The following MMP26 variants were observed in gnomAD, a reference collection of about 807,000 sequenced individuals.
The protein encoded by MMP26 is matrix metalloproteinase-26.
In MMP26, 33 loss-of-function variants were observed where a neutral mutation model predicts 31.0. The ratio of observed to expected loss-of-function variants is 1.06; its 90% CI spans 0.81 to 1.42. The LOEUF (loss-of-function observed/expected upper bound fraction) is 1.42. Among genes scored for constraint, MMP26 ranks in the 40% most tolerant of loss-of-function variants. The probability of loss-of-function intolerance (pLI) is 0.00; values close to 1 mark genes in which losing one functional copy is unlikely to be tolerated. For missense variants in MMP26, 347 were observed against 316.1 expected (o/e 1.10, Z -0.74); for synonymous variants, 122 against 114.9 (o/e 1.06, Z -0.40).
chr11:4,887,637 G>A (rs1850562124), intron 2 of MMP26, among the ~76,000 whole-genome samples: 1 of 152,066 alleles, frequency 6.6e-6, no homozygotes, highest in South Asian at 2.1e-4. Context: ...TGATGTGCTT[G>A]TAATTTATCA....
intron 1 of MMP26, among the ~76,000 whole-genome samples, chr11:4,728,430 A>T (rs1166527097): frequency 2.0e-5 from 3 of 152,148 alleles, no homozygotes; most frequent in Non-Finnish European, 4.4e-5. Flanking sequence ...ACTGATCAGT[A>T]GAGGAGTACA....
chr11:4,707,950 T>C (rs1247580157), intron 1 of MMP26, among the ~76,000 whole-genome samples: 2 of 152,226 alleles, frequency 1.3e-5, no homozygotes, highest in African/African-American at 4.8e-5. Context: ...ACGCTTCTTC[T>C]GGTCTTTTCT....
intron 2 of MMP26, chr11:4,955,045 G>C (rs776641869): frequency 2.1e-6 from 3 of 1,452,930 alleles, no homozygotes; most frequent in South Asian, 2.3e-5. Flanking sequence ...GTACAGTCTT[G>C]AGGATCAGGG....
At chr11:4,836,224 A>G (rs2133484635) in intron 2 of MMP26, among the ~76,000 whole-genome samples, 1 of 152,162 alleles carries the variant, frequency 6.6e-6, no homozygotes, top group South Asian at 2.1e-4. Flanking sequence ...TATAATAAAT[A>G]AGTGATATGT....
chr11:4,970,953 C>T (rs1259634873), intron 2 of MMP26, among the ~76,000 whole-genome samples: 1 of 152,026 alleles, frequency 6.6e-6, no homozygotes, highest in Non-Finnish European at 1.5e-5. Flanking sequence ...AGTGAATAGA[C>T]CTGGTGGAGC....
intron 2 of MMP26, among the ~76,000 whole-genome samples, chr11:4,867,351 C>A (rs1428667524): frequency 2.0e-5 from 3 of 148,242 alleles, no homozygotes; most frequent in African/African-American, 5.0e-5. Context: ...CATCACTGAT[C>A]ATTAGGGAAC....
intron 1 of MMP26, among the ~76,000 whole-genome samples, chr11:4,734,979 C>T (rs1848220532): frequency 6.6e-6 from 1 of 152,194 alleles, no homozygotes; most frequent in Non-Finnish European, 1.5e-5. Flanking sequence ...TGAAGGGAGT[C>T]ACTGACCTCT....
chr11:4,818,278 A>C (rs1294323995), intron 2 of MMP26, among the ~76,000 whole-genome samples: 1 of 152,160 alleles, frequency 6.6e-6, no homozygotes, highest in Non-Finnish European at 1.5e-5. Context: ...TTTTTCCATC[A>C]TTACCATTTC....
intron 2 of MMP26, among the ~76,000 whole-genome samples, chr11:4,810,459 G>A (rs1010078993): frequency 2.6e-5 from 4 of 152,160 alleles, no homozygotes; most frequent in Non-Finnish European, 5.9e-5. Flanking sequence ...TATCATTAGT[G>A]TGCTACCATC....
chr11:4,804,104 G>A (rs1849228042), intron 2 of MMP26: 9 of 1,614,166 alleles, frequency 5.6e-6, no homozygotes, highest in Middle Eastern at 1.6e-4. Flanking sequence ...TGAATCTCAT[G>A]AGCATGAAAC....
At chr11:4,851,447 C>A (rs991620207) in intron 2 of MMP26, among the ~76,000 whole-genome samples, 5 of 152,088 alleles carry the variant, frequency 3.3e-5, no homozygotes, top group African/African-American at 9.7e-5. Flanking sequence ...AAAAATAAAA[C>A]CAGATGGTAA....
At chr11:4,818,425 A>G (rs1849449773) in intron 2 of MMP26, among the ~76,000 whole-genome samples, 1 of 152,126 alleles carries the variant, frequency 6.6e-6, no homozygotes, top group Admixed American at 6.6e-5. Flanking sequence ...ATAGTTCTCT[A>G]ATCATAGGTT....
intron 1 of MMP26, among the ~76,000 whole-genome samples, chr11:4,758,052 C>T (rs1848526198): frequency 6.6e-6 from 1 of 152,114 alleles, no homozygotes; most frequent in Non-Finnish European, 1.5e-5. Flanking sequence ...TACATGTATA[C>T]AAGTGTTCAT....
rs539293714 is a variant in MMP26, at chr11:4,961,362, G to A, written c.-144-26706G>A. Among the ~76,000 whole-genome samples, 11 of 152,274 alleles carry A rather than the reference G, an allele frequency of 7.2e-5. No individual in the cohort carries two copies. In the South Asian group the frequency reaches 2.3e-3, roughly 32 times the overall value. ...CTCTGGGCCCCTGGCTGATTCGATGGTGCCCAGCAACATTGAGGGTAGATA... is the reference window on the plus strand; with the variant it reads ...CTCTGGGCCCCTGGCTGATTCGATGATGCCCAGCAACATTGAGGGTAGATA... On this transcript the variant is annotated intron_variant, in intron 2 of 7. Coordinates refer to ENST00000380390, the MANE Select transcript of MMP26 (RefSeq NM_021801.5).
chr11:4,950,564 T>C lies in MMP26; in HGVS notation c.-144-37504T>C, dbSNP rs371276891. Among the ~76,000 whole-genome samples the C allele has an allele frequency of 3.2e-4, 38 of 120,392 alleles. 9 individuals carry two copies. The highest frequency in any genetic ancestry group is 1.0e-3 in the African/African-American group (36 of 35,780). The allele number at this position is 120,392 out of a possible 152,430, so 79.0% of individuals were successfully genotyped here. A position where few individuals can be genotyped will look rare whatever the true frequency, so the allele number is the denominator to read the frequency against. ...GAGATGATAGTCAAAAGGTAAAAAGTTAGAAAGAATAAATTCGATTATTTT... is the reference window on the plus strand; with the variant it reads ...GAGATGATAGTCAAAAGGTAAAAAGCTAGAAAGAATAAATTCGATTATTTT... On this transcript the variant is annotated intron_variant, in intron 2 of 7. Coordinates refer to ENST00000380390, the MANE Select transcript of MMP26 (RefSeq NM_021801.5).
intron 2 of MMP26, among the ~76,000 whole-genome samples, chr11:4,886,309 C>A (rs1437148502): frequency 6.6e-6 from 1 of 151,986 alleles, no homozygotes; most frequent in Non-Finnish European, 1.5e-5. Flanking sequence ...GATTTAAGCT[C>A]CTAACACTTT....
chr11:4,756,165 G>A (rs1348553317), intron 1 of MMP26, among the ~76,000 whole-genome samples: 1 of 152,008 alleles, frequency 6.6e-6, no homozygotes, highest in African/African-American at 2.4e-5. Flanking sequence ...AGTGCACATT[G>A]AACATAATCA....
chr11:4,895,610 G>C (rs1054456812), intron 2 of MMP26, among the ~76,000 whole-genome samples: 78 of 152,166 alleles, frequency 5.1e-4, no homozygotes, highest in African/African-American at 1.8e-3. Flanking sequence ...AGTGAATAGT[G>C]CCAACATCAA....
intron 1 of MMP26, among the ~76,000 whole-genome samples, chr11:4,727,607 C>T (rs543743999): frequency 4.6e-5 from 7 of 151,996 alleles, no homozygotes; most frequent in Non-Finnish European, 1.0e-4. Flanking sequence ...GTCAGGAGTT[C>T]GAGACCAGCC....
Sources: allele counts gnomAD v4.1 joint callset (sites outside exome capture counted in the v4.1 genomes callset), GRCh38; gene constraint gnomAD v4.1.1; transcripts MANE v1.5; gene names NCBI Gene and HGNC (gene_info 2026-07-23, HGNC 2026-07-21).